Variants in SRGAP1 observed in about 807,000 individuals in gnomAD.
SRGAP1 encodes the protein SLIT-ROBO Rho GTPase-activating protein 1.
In SRGAP1, 43 loss-of-function variants were observed where a neutral mutation model predicts 121.9. That is an observed-to-expected ratio of 0.35 (90% CI 0.28 to 0.46). The LOEUF (loss-of-function observed/expected upper bound fraction) is 0.46. Among genes scored for constraint, SRGAP1 ranks in the 20% least tolerant of loss-of-function variants. SRGAP1 has a pLI of 1.00. For missense variants in SRGAP1, 1,102 were observed against 1,350.9 expected (o/e 0.82, Z 2.89); for synonymous variants, 447 against 485.4 (o/e 0.92, Z 1.04).
In SRGAP1 at chr12:64,108,494, A is replaced by T. The variant is rs921981826; in HGVS notation, c.1814-438A>T. Reference sequence around the variant, plus strand: ...CAGTGGTAATTTTGAGAAAGGAGAGATTCTAAACCTGGCACATTGCCTGGA... The same window carrying T: ...CAGTGGTAATTTTGAGAAAGGAGAGTTTCTAAACCTGGCACATTGCCTGGA... On this transcript the variant is annotated intron_variant, in intron 15 of 21. Coordinates refer to ENST00000355086, the MANE Select transcript of SRGAP1 (RefSeq NM_020762.4). Among the ~76,000 whole-genome samples the T allele has an allele frequency of 3.3e-5, 5 of 152,300 alleles. No homozygotes were observed. In the East Asian group the frequency reaches 9.7e-4, roughly 29 times the overall value.
chr12:63,853,521 G>A (rs892896661), intron 1 of SRGAP1, among the ~76,000 whole-genome samples: 1 of 152,158 alleles, frequency 6.6e-6, no homozygotes, highest in African/African-American at 2.4e-5. Flanking sequence ...GTGGTTAATT[G>A]TTTTTATAAT....
intron 4 of SRGAP1, among the ~76,000 whole-genome samples, chr12:64,033,292 T>G (rs927594473): frequency 2.6e-5 from 4 of 152,232 alleles, no homozygotes; most frequent in Admixed American, 2.6e-4. Context: ...AATTTGATGA[T>G]AAATTCAAAC....
At chr12:63,872,035 C>G (rs1366687666) in intron 1 of SRGAP1, 1 of 787,938 alleles carries the variant, frequency 1.3e-6, no homozygotes, top group Non-Finnish European at 2.2e-6. Context: ...GGTTTAGGTA[C>G]GTTGACCATC....
At chr12:63,897,418 T>C (rs1053475063) in intron 1 of SRGAP1, among the ~76,000 whole-genome samples, 1 of 152,268 alleles carries the variant, frequency 6.6e-6, no homozygotes, top group African/African-American at 2.4e-5. Flanking sequence ...TCAGCTGTAC[T>C]TTCAACTTTC....
intron 6 of SRGAP1, 28 bp from the exon 7 acceptor site, chr12:64,062,889 T>G (rs1437736325): frequency 1.7e-5 from 27 of 1,565,724 alleles, no homozygotes; most frequent in Non-Finnish European, 1.5e-5. Flanking sequence ...CATTCATTTT[T>G]GTATGTGGTG....
chr12:63,971,339 A>G (rs1048216071), intron 1 of SRGAP1, among the ~76,000 whole-genome samples: 2 of 152,252 alleles, frequency 1.3e-5, no homozygotes, highest in Admixed American at 6.5e-5. Flanking sequence ...GGAGGCCCCA[A>G]GGTAAAGAAA....
intron 7 of SRGAP1, among the ~76,000 whole-genome samples, chr12:64,063,407 G>A (rs934868871): frequency 6.6e-6 from 1 of 152,120 alleles, no homozygotes; most frequent in Non-Finnish European, 1.5e-5. Context: ...TCCACCTCAA[G>A]ACATTTTAAT....
intron 1 of SRGAP1, among the ~76,000 whole-genome samples, chr12:63,949,396 TTTATTATTATTA>T (rs71089906): frequency 0.031 from 3,860 of 126,024 alleles, 108 homozygotes; most frequent in African/African-American, 0.079. Flanking sequence ...ATTTTTATTA[TTTATTATTATTA>T]TTATTATTAT....
intron 1 of SRGAP1, among the ~76,000 whole-genome samples, chr12:63,938,558 C>T (rs1193136430): frequency 3.3e-5 from 5 of 152,150 alleles, no homozygotes; most frequent in Non-Finnish European, 7.3e-5. Flanking sequence ...CTGTTCCTCT[C>T]TTTTCTTCCT....
intron 4 of SRGAP1, among the ~76,000 whole-genome samples, chr12:64,022,048 G>A (rs898674296): frequency 1.3e-5 from 2 of 152,164 alleles, no homozygotes; most frequent in African/African-American, 4.8e-5. Context: ...GCTTATATTT[G>A]AATCCCAGCT....
At chr12:63,910,724 G>A (rs2030453612) in intron 1 of SRGAP1, among the ~76,000 whole-genome samples, 1 of 152,134 alleles carries the variant, frequency 6.6e-6, no homozygotes, top group African/African-American at 2.4e-5. Flanking sequence ...CGTGGTTATA[G>A]GTACACCATA....
At chr12:64,041,359 T>TTTTATTTTATTTA (rs1555168798) in intron 4 of SRGAP1, among the ~76,000 whole-genome samples, 1 of 85,714 alleles carries the variant, frequency 1.2e-5, no homozygotes, top group Non-Finnish European at 3.6e-5. Flanking sequence ...TGGCATTTTA[T>TTTTATTTTATTTA]TTTATTTATT....
At chr12:63,957,927 G>A (rs1268778371) in intron 1 of SRGAP1, among the ~76,000 whole-genome samples, 1 of 152,184 alleles carries the variant, frequency 6.6e-6, no homozygotes, top group Admixed American at 6.5e-5. Context: ...CCTCTGCGGG[G>A]TGCTGAGTCT....
intron 1 of SRGAP1, among the ~76,000 whole-genome samples, chr12:63,941,597 A>G (rs2031870451): frequency 6.6e-6 from 1 of 152,136 alleles, no homozygotes; most frequent in South Asian, 2.1e-4. Context: ...AAAATGTGTG[A>G]ACATTTTTTG....
intron 1 of SRGAP1, among the ~76,000 whole-genome samples, chr12:63,928,406 A>G (rs1378075152): frequency 6.6e-6 from 1 of 152,246 alleles, no homozygotes; most frequent in African/African-American, 2.4e-5. Flanking sequence ...CACAATAGCC[A>G]AAACTGGAAA....
chr12:64,123,838 A>G (rs1276517475), intron 18 of SRGAP1, among the ~76,000 whole-genome samples: 1 of 152,058 alleles, frequency 6.6e-6, no homozygotes, highest in East Asian at 1.9e-4. Flanking sequence ...GTTGTTTTAA[A>G]CATTATCCTT....
intron 1 of SRGAP1, among the ~76,000 whole-genome samples, chr12:63,955,093 G>A (rs897586384): frequency 7.2e-5 from 11 of 152,158 alleles, no homozygotes; most frequent in Admixed American, 5.9e-4. Flanking sequence ...CGAGGTGGGC[G>A]GATCACTTGA....
intron 15 of SRGAP1, among the ~76,000 whole-genome samples, chr12:64,106,563 A>T (rs576875848): frequency 1.5e-4 from 23 of 152,330 alleles, no homozygotes; most frequent in African/African-American, 5.5e-4. Context: ...GGTTTTGCAC[A>T]TATCACATGA....
Position 64,103,534 on chromosome 12 carries a change from C to T in SRGAP1, c.1814-5398C>T, listed in dbSNP as rs2036292715. The stretch of plus-strand genomic sequence containing the variant: ...TTATTTCATGAAAAAAGCTTTTGAA[C>T]TCTTTTTCTGGTGCTCAATATATGT... On this transcript the variant is annotated intron_variant, in intron 15 of 21. Coordinates refer to ENST00000355086, the MANE Select transcript of SRGAP1 (RefSeq NM_020762.4). 2.6e-5 allele frequency among the ~76,000 whole-genome samples: 4 copies of T among 152,144 alleles called. No homozygotes were observed. In the South Asian group the frequency reaches 6.2e-4, roughly 24 times the overall value.
Sources: gnomAD v4.1 joint callset for allele counts (sites outside exome capture counted in the v4.1 genomes callset) on GRCh38, gnomAD v4.1.1 for gene constraint, MANE v1.5 for transcripts, NCBI Gene and HGNC (gene_info 2026-07-23, HGNC 2026-07-21) for gene names.